The following CMIP variants were observed in gnomAD, a reference collection of about 807,000 sequenced individuals.
CMIP encodes the protein c-Maf inducing protein.
Under a neutral mutation model 97.3 loss-of-function variants are expected in CMIP, and 13 were observed. The observed-to-expected ratio is 0.13, with a 90% CI of 0.09 to 0.21. The LOEUF (loss-of-function observed/expected upper bound fraction) is 0.21. Ranked by LOEUF, CMIP falls within the 10% of genes least tolerant of loss-of-function variation. The probability of loss-of-function intolerance (pLI) is 1.00; values close to 1 mark genes in which losing one functional copy is unlikely to be tolerated. For synonymous variants in CMIP, 538 were observed against 436.3 expected, an observed-to-expected ratio of 1.23 and a Z score of -2.91; for missense variants, 847 against 1,024.9, an observed-to-expected ratio of 0.83 and a Z score of 2.37.
At chr16:81,594,290 G>T (rs574073534) in intron 1 of CMIP, among the ~76,000 whole-genome samples, 78 of 150,338 alleles carry the variant, frequency 5.2e-4, no homozygotes, top group African/African-American at 1.9e-3. Context: ...GCTAATTGTT[G>T]TATTTTTTTG....
intron 15 of CMIP, among the ~76,000 whole-genome samples, chr16:81,700,013 A>C (rs1907216195): frequency 6.6e-6 from 1 of 152,152 alleles, no homozygotes; most frequent in African/African-American, 2.4e-5. Flanking sequence ...TCCATTGATC[A>C]GTGGGGTTGG....
At chr16:81,684,213 C>A (rs1479892019) in intron 10 of CMIP, among the ~76,000 whole-genome samples, 1 of 152,252 alleles carries the variant, frequency 6.6e-6, no homozygotes, top group African/African-American at 2.4e-5. Flanking sequence ...GGGAATTTTC[C>A]TGAGGTCCTC....
chr16:81,677,724 G>A (rs1904415062), intron 9 of CMIP, among the ~76,000 whole-genome samples: 1 of 152,222 alleles, frequency 6.6e-6, no homozygotes, highest in Non-Finnish European at 1.5e-5. Flanking sequence ...TGCCTGGAGG[G>A]TTACCCAGGA....
intron 18 of CMIP, 30 bp downstream of exon 18, chr16:81,704,115 C>T (rs756628998): frequency 2.2e-5 from 35 of 1,588,818 alleles, no homozygotes; most frequent in Non-Finnish European, 2.9e-5. Flanking sequence ...TGCAGTCCCC[C>T]ACACCCTCCT....
intron 20 of CMIP, among the ~76,000 whole-genome samples, chr16:81,708,426 A>G (rs925303303): frequency 1.4e-4 from 17 of 119,894 alleles, no homozygotes; most frequent in African/African-American, 5.1e-4. Flanking sequence ...CAAAGTGCTG[A>G]AAGTCAGATG....
Position 81,655,475 on chromosome 16 carries a change from G to A in CMIP, c.640-2300G>A, listed in dbSNP as rs534722744. 8.6e-4 allele frequency among the ~76,000 whole-genome samples: 131 copies of A among 152,308 alleles called. No homozygotes were observed. The highest frequency in any genetic ancestry group is 1.2e-3 in the Admixed American group (18 of 15,298). On this transcript the variant is annotated intron_variant, in intron 4 of 20. Coordinates refer to ENST00000537098, the MANE Select transcript of CMIP (RefSeq NM_198390.3). The surrounding 1 kb of genome is among the most constrained non-coding windows in gnomAD (Gnocchi z 4.9). Reference sequence around the variant, plus strand: ...TGCGTGTAAAGTGGCCGCTTAGCTCGAGAGTCAGGTGTTCCCTCTAATGCA... The same window carrying A: ...TGCGTGTAAAGTGGCCGCTTAGCTCAAGAGTCAGGTGTTCCCTCTAATGCA...
chr16:81,522,266 A>G (rs1014433337), intron 1 of CMIP, among the ~76,000 whole-genome samples: 1 of 152,180 alleles, frequency 6.6e-6, no homozygotes, highest in Non-Finnish European at 1.5e-5. Context: ...GGGCCCTGTC[A>G]TCAGAGCCCT....
At chr16:81,537,153 C>G (rs1166604726) in intron 1 of CMIP, among the ~76,000 whole-genome samples, 1 of 152,198 alleles carries the variant, frequency 6.6e-6, no homozygotes, top group Non-Finnish European at 1.5e-5. Context: ...GTCCCCCCTG[C>G]TCACCGTCCT....
chr16:81,544,959 T>C (rs943295974), intron 1 of CMIP, among the ~76,000 whole-genome samples: 48 of 152,226 alleles, frequency 3.2e-4, no homozygotes, highest in African/African-American at 1.1e-3. Context: ...GGCTGCCAAA[T>C]TGGGGCCAGA....
intron 1 of CMIP, chr16:81,463,845 CAG>C (rs1414286162): frequency 1.3e-5 from 2 of 152,312 alleles, no homozygotes; most frequent in African/African-American, 4.8e-5. Flanking sequence ...CCTGAGACCT[CAG>C]GGGACTTCCC....
chr16:81,578,241 A>T (rs2091235621), intron 1 of CMIP, among the ~76,000 whole-genome samples: 1 of 152,170 alleles, frequency 6.6e-6, no homozygotes, highest in South Asian at 2.1e-4. Context: ...CTTCATCACC[A>T]CCATCATCTT....
intron 3 of CMIP, among the ~76,000 whole-genome samples, chr16:81,651,787 C>T (rs2092431493): frequency 6.6e-6 from 1 of 152,172 alleles, no homozygotes; most frequent in African/African-American, 2.4e-5. Context: ...GTGGTGAGGG[C>T]ACTGGCTTGA....
intron 9 of CMIP, among the ~76,000 whole-genome samples, chr16:81,673,617 ACTGAGAGTTGCTCTG>A (rs1378390738): frequency 2.6e-5 from 4 of 152,218 alleles, no homozygotes; most frequent in African/African-American, 7.2e-5. Flanking sequence ...TGCGTAACAC[ACTGAGAGTTGCTCTG>A]CTGAGAGTTG....
At chr16:81,555,864 C>T (rs1357924434) in intron 1 of CMIP, among the ~76,000 whole-genome samples, 1 of 152,202 alleles carries the variant, frequency 6.6e-6, no homozygotes, top group African/African-American at 2.4e-5. Flanking sequence ...CCCTGAACCT[C>T]AGTGTCCTCA....
chr16:81,471,544 TACACACATGTGCACAC>T (rs1413437912), intron 1 of CMIP, among the ~76,000 whole-genome samples: 1 of 135,730 alleles, frequency 7.4e-6, no homozygotes, highest in Non-Finnish European at 1.6e-5. Context: ...AGTGTACACA[TACACACATGTGCACAC>T]ACACATGCAT....
intron 7 of CMIP, among the ~76,000 whole-genome samples, chr16:81,668,806 T>TCACACCCACCTCACACTCACTGCCTTC (rs1180325224): frequency 9.2e-6 from 1 of 108,132 alleles, no homozygotes; most frequent in Admixed American, 1.0e-4. Context: ...ACACATCCAT[T>TCACACCCACCTCACACTCACTGCCTTC]CACACCCACC....
intron 1 of CMIP, among the ~76,000 whole-genome samples, chr16:81,522,510 A>G (rs12597170): frequency 0.096 from 14,542 of 152,258 alleles, 832 homozygotes; most frequent in African/African-American, 0.16. Flanking sequence ...ACTGTGATAG[A>G]CTTTTCTTCT....
chr16:81,475,769 A>C (rs1045010771), intron 1 of CMIP, among the ~76,000 whole-genome samples: 1 of 152,146 alleles, frequency 6.6e-6, no homozygotes, highest in Non-Finnish European at 1.5e-5. Flanking sequence ...GTGGATCATG[A>C]GGTCAGGAGA....
rs540440781 is a variant in CMIP, at chr16:81,590,721, C to T, written c.301-16846C>T. On this transcript the variant is annotated intron_variant, in intron 1 of 20. Coordinates refer to ENST00000537098, the MANE Select transcript of CMIP (RefSeq NM_198390.3). ...CAGTAGGACCCAGTCCTGGCGTAAA[C>T]AACAAATAACAAACTAAACCTCTCA... Among the ~76,000 whole-genome samples the T allele has an allele frequency of 3.9e-5, 6 of 152,288 alleles. No individual in the cohort carries two copies. In the East Asian group the frequency reaches 1.2e-3, roughly 29 times the overall value.
Sources: allele counts gnomAD v4.1 joint callset (sites outside exome capture counted in the v4.1 genomes callset), GRCh38; gene constraint gnomAD v4.1.1; non-coding constraint Gnocchi (gnomAD v3.1); transcripts MANE v1.5; gene names NCBI Gene and HGNC (gene_info 2026-07-23, HGNC 2026-07-21).